Variants in HTR7 observed in about 807,000 individuals in gnomAD.
HTR7 encodes 5-HT-7.
In HTR7, 16 loss-of-function variants were observed where a neutral mutation model predicts 34.0. That is an observed-to-expected ratio of 0.47 (90% CI 0.32 to 0.71). HTR7 has a LOEUF of 0.71. Among genes scored for constraint, HTR7 ranks in the 30% least tolerant of loss-of-function variants. HTR7 has a pLI of 0.04. For missense variants in HTR7, 504 were observed against 625.5 expected (o/e 0.81, Z 2.07); for synonymous variants, 265 against 260.2 (o/e 1.02, Z -0.18).
intron 1 of HTR7, among the ~76,000 whole-genome samples, chr10:90,852,476 C>G (rs1288476361): frequency 6.6e-6 from 1 of 152,024 alleles, no homozygotes; most frequent in East Asian, 1.9e-4. Flanking sequence ...TTCCAAAGTA[C>G]CTTATTACCT....
At chr10:90,788,935 T>G (rs958680166) in intron 1 of HTR7, among the ~76,000 whole-genome samples, 1 of 152,162 alleles carries the variant, frequency 6.6e-6, no homozygotes, top group African/African-American at 2.4e-5. Context: ...CCTTAAGACC[T>G]TGCTCAAGTG....
rs1589441743 is a variant in HTR7, at chr10:90,766,557, A to G, written c.540-16963T>C. On this transcript the variant is annotated intron_variant, in intron 1 of 3. Transcript: ENST00000336152. ...ACATATTGATAGGTAAACATTCACC[A>G]CTGCCATTTTGTTCGCTGTTTTCTG... 2.6e-5 allele frequency among the ~76,000 whole-genome samples: 4 copies of G among 152,284 alleles called. No homozygotes were observed. The East Asian group carries it at 7.7e-4, about 29-fold the overall frequency.
At chr10:90,850,893 A>G (rs1846487413) in intron 1 of HTR7, among the ~76,000 whole-genome samples, 1 of 152,238 alleles carries the variant, frequency 6.6e-6, no homozygotes, top group Non-Finnish European at 1.5e-5. Context: ...TATGTGTGAC[A>G]GAGTAAAAAG....
Position 90,741,711 on chromosome 10 carries a change from C to T in HTR7, c.*771G>A, listed in dbSNP as rs3740046. ...ATGCCAATAATCATGTTAATTACAA[C>T]GCAGTTGGGTACCACTTGAGCTTCA... is the stretch of plus-strand genomic sequence containing the variant. On this transcript the variant is annotated 3_prime_UTR_variant, in exon 4 of 4. Coordinates refer to ENST00000336152, the MANE Select transcript of HTR7 (RefSeq NM_019859.4). 22,246 of 152,606 alleles carry T rather than the reference C, an allele frequency of 0.15. 1,739 individuals carry two copies. The highest frequency in any genetic ancestry group is 0.2 in the East Asian group (1,043 of 5,164). The allele number at this position is 152,606 out of a possible 1,614,324, so 9.5% of individuals were successfully genotyped here.
chr10:90,813,157 CT>C (rs1024571755), intron 1 of HTR7, among the ~76,000 whole-genome samples: 1 of 152,182 alleles, frequency 6.6e-6, no homozygotes, highest in Non-Finnish European at 1.5e-5. Context: ...TCTCCCTTTG[CT>C]GACTCTCTTT....
chr10:90,787,659 T>C (rs1022420502), intron 1 of HTR7, among the ~76,000 whole-genome samples: 4 of 152,286 alleles, frequency 2.6e-5, no homozygotes, highest in Admixed American at 6.5e-5. Context: ...AATATTATCA[T>C]TCATATTTTA....
chr10:90,810,102 C>T (rs954135641), intron 1 of HTR7, among the ~76,000 whole-genome samples: 1 of 152,180 alleles, frequency 6.6e-6, no homozygotes, highest in African/African-American at 2.4e-5. Context: ...CCTCTTAAAA[C>T]TCCCCAACTC....
intron 1 of HTR7, among the ~76,000 whole-genome samples, chr10:90,849,548 C>T (rs1017234041): frequency 6.6e-6 from 1 of 152,020 alleles, no homozygotes; most frequent in Non-Finnish European, 1.5e-5. Flanking sequence ...TGGAATGTGG[C>T]GAACAAGACA....
chr10:90,756,456 G>A, intron 1 of HTR7, among the ~76,000 whole-genome samples: 1 of 152,064 alleles, frequency 6.6e-6, no homozygotes, highest in African/African-American at 2.4e-5. Context: ...TGTTACAGTG[G>A]GGTTCCAATA....
intron 1 of HTR7, among the ~76,000 whole-genome samples, chr10:90,810,510 C>T (rs1200052517): frequency 1.2e-5 from 1 of 80,796 alleles, no homozygotes; most frequent in African/African-American, 6.8e-5. Context: ...CCTTACAATT[C>T]CCCCATTTTA....
intron 2 of HTR7, among the ~76,000 whole-genome samples, chr10:90,745,851 T>C (rs991146466): frequency 1.3e-5 from 2 of 152,184 alleles, no homozygotes; most frequent in African/African-American, 4.8e-5. Flanking sequence ...ATAGAGACCA[T>C]ATGGCTAGCA....
intron 1 of HTR7, among the ~76,000 whole-genome samples, chr10:90,830,446 G>A (rs1292316952): frequency 1.3e-5 from 2 of 152,136 alleles, no homozygotes; most frequent in Non-Finnish European, 2.9e-5. Flanking sequence ...TAGCTGAAAA[G>A]TTGCCTAAGT....
intron 1 of HTR7, among the ~76,000 whole-genome samples, chr10:90,843,845 A>C (rs1447699913): frequency 6.6e-6 from 1 of 152,252 alleles, no homozygotes; most frequent in East Asian, 1.9e-4. Context: ...CCCCCAGCTA[A>C]GAATGGTCTT....
At chr10:90,825,217 C>T (rs1266831443) in intron 1 of HTR7, among the ~76,000 whole-genome samples, 8 of 152,236 alleles carry the variant, frequency 5.3e-5, no homozygotes, top group African/African-American at 1.9e-4. Context: ...CATCCACAAC[C>T]ACCAAGGCAG....
chr10:90,753,465 A>G (rs1010666333), intron 1 of HTR7, among the ~76,000 whole-genome samples: 2 of 152,224 alleles, frequency 1.3e-5, no homozygotes, highest in Non-Finnish European at 2.9e-5. Flanking sequence ...ACATTTTAAA[A>G]TGACACATTT....
At chr10:90,835,302 A>G (rs546332709) in intron 1 of HTR7, among the ~76,000 whole-genome samples, 4 of 152,336 alleles carry the variant, frequency 2.6e-5, no homozygotes, top group South Asian at 4.1e-4. Context: ...CCACCCTTAC[A>G]GGAAGACCTT....
At chr10:90,778,291 C>T (rs1017748297) in intron 1 of HTR7, among the ~76,000 whole-genome samples, 8 of 152,082 alleles carry the variant, frequency 5.3e-5, no homozygotes, top group African/African-American at 1.7e-4. Flanking sequence ...TGGATTAATC[C>T]ATTCATGGAT....
rs1349887876 is a variant in HTR7, at chr10:90,749,844, A to G, written c.540-250T>C. On this transcript the variant is annotated intron_variant, in intron 1 of 3. Transcript: ENST00000336152. The surrounding 1 kb of genome is among the most constrained non-coding windows in gnomAD (Gnocchi z 4.2). ...TCTAAAGTCAGTCCATGCTTTGTGC[A>G]TGCCTTATAGTTTTTCACAATCCAC... is the stretch of plus-strand genomic sequence containing the variant. Among the ~76,000 whole-genome samples, 1 of 152,182 alleles carries G rather than the reference A, an allele frequency of 6.6e-6. No homozygotes were observed. The highest frequency in any genetic ancestry group is 1.5e-5 in the Non-Finnish European group (1 of 68,038).
intron 1 of HTR7, among the ~76,000 whole-genome samples, chr10:90,851,909 G>A (rs1846506399): frequency 6.6e-6 from 1 of 152,184 alleles, no homozygotes; most frequent in Non-Finnish European, 1.5e-5. Context: ...TGCCATGAAA[G>A]ACATGTCTTG....
Sources: gnomAD v4.1 joint callset for allele counts (sites outside exome capture counted in the v4.1 genomes callset) on GRCh38, gnomAD v4.1.1 for gene constraint, Gnocchi (gnomAD v3.1) non-coding constraint, MANE v1.5 for transcripts, NCBI Gene and HGNC (gene_info 2026-07-23, HGNC 2026-07-21) for gene names.